The following CDHR1 variants were observed in gnomAD, a reference collection of about 807,000 sequenced individuals.
The protein encoded by CDHR1 is cadherin related family member 1, also known as cadherin-related family member 1.
CDHR1 carries 61 observed loss-of-function variants against 72.1 expected under a neutral mutation model. The observed-to-expected ratio is 0.85, with a 90% CI of 0.69 to 1.05. The LOEUF (loss-of-function observed/expected upper bound fraction) is 1.05. Ranked by LOEUF, CDHR1 falls within the 50% of genes least tolerant of loss-of-function variation. The pLI is 0.00. For missense variants in CDHR1, 1,186 were observed against 1,115.7 expected, an observed-to-expected ratio of 1.06 and a Z score of -0.90; for synonymous variants, 470 against 448.1, an observed-to-expected ratio of 1.05 and a Z score of -0.62.
chr10:84,199,160 C>T (rs373355222), intron 5 of CDHR1, 39 bp downstream of exon 5: 742 of 1,514,422 alleles, frequency 4.9e-4, no homozygotes, highest in Non-Finnish European at 6.3e-4. Flanking sequence ...TTTTCCCACC[C>T]AGGCCCATAG....
Position 84,208,322 on chromosome 10 carries a change from C to A in CDHR1, c.1112C>A (p.Pro371Gln). ...TTTGAGCTGTCCATGAATGAGCACC[C>A]ACCCCAGGGAGAGATCCTGCGGGGC... ...NRFELSMNEH[P>Q]PQGEILRGLK... Residue 371 changes from proline to glutamine, a missense_variant, in exon 11 of 17, where the codon CCA becomes CAA. Physicochemically the swap from Pro to Gln is moderately conservative, Grantham distance 76. Coordinates refer to ENST00000623527, the MANE Select transcript of CDHR1 (RefSeq NM_033100.4). 6.2e-7 allele frequency: 1 copy of A among 1,614,152 alleles called. No homozygotes were observed. Among genetic ancestry groups the A allele is most frequent in the South Asian group, 1.1e-5 (1 of 91,074 alleles).
At position 84,203,155 on chromosome 10, in the gene CDHR1, C is replaced by T. The variant is rs1201535139; in HGVS notation, c.783+32C>T. On this transcript the variant is annotated intron_variant, in intron 8 of 16. Coordinates refer to ENST00000623527, the MANE Select transcript of CDHR1 (RefSeq NM_033100.4). ...GGCTGTCCCCCTCAGCCAGCGATCC[C>T]TCCAAATGCCTCCTGCCCTGACCCT... The T allele has an allele frequency of 3.1e-6, 5 of 1,613,532 alleles. No homozygotes were observed. In the Admixed American group the frequency reaches 8.3e-5, roughly 27 times the overall value.
rs757579078 is a variant in CDHR1 at position 84,200,653 on chromosome 10, C to G, written c.491C>G (p.Thr164Arg). ...IFKVHAVDRD[T>R]GSGGSVTYFL... is the part of the protein sequence containing the mutation. The stretch of plus-strand genomic sequence containing the variant: ...AAGGTCCATGCAGTGGACAGGGACA[C>G]AGGCTCTGGAGGGAGTGTCACCTAC... The change falls in exon 6 of 17, where the codon ACA becomes AGA. Residue 164 changes from threonine to arginine, a missense_variant. Physicochemically the swap from Thr to Arg is moderately conservative, Grantham distance 71 (BLOSUM62 -1). Coordinates refer to ENST00000623527, the MANE Select transcript of CDHR1 (RefSeq NM_033100.4). 4.3e-6 allele frequency: 7 copies of G among 1,612,440 alleles called. No individual in the cohort carries two copies. In the African/African-American group the frequency reaches 9.3e-5, roughly 22 times the overall value.
At chr10:84,204,881 C>T (rs117206971) in intron 9 of CDHR1, among the ~76,000 whole-genome samples, 4,454 of 152,302 alleles carry the variant, frequency 0.029, 88 homozygotes, top group Non-Finnish European at 0.045. Context: ...GGTATTTGCT[C>T]CTTGATGGGA....
chr10:84,210,609 T>C (rs1192733513), intron 12 of CDHR1, among the ~76,000 whole-genome samples: 1 of 152,166 alleles, frequency 6.6e-6, no homozygotes, highest in East Asian at 1.9e-4. Flanking sequence ...AAGAATTTAA[T>C]GCCCCCAATT....
chr10:84,216,762 G>A lies in CDHR1; in HGVS notation c.*2141G>A, dbSNP rs1842431963. The A allele has an allele frequency of 4.1e-6, 4 of 985,382 alleles. No individual in the cohort carries two copies. Among genetic ancestry groups the A allele is most frequent in the Non-Finnish European group, 4.8e-6 (4 of 829,966 alleles). The allele number at this position is 985,382 out of a possible 1,614,324, so 61.0% of individuals were successfully genotyped here. A position where few individuals can be genotyped will look rare whatever the true frequency, so the allele number is the denominator to read the frequency against. On this transcript the variant is annotated 3_prime_UTR_variant, in exon 17 of 17. Transcript: ENST00000623527. Reference sequence around the variant, plus strand: ...TCTACTGGACTTTTCTCCCAAACAGGACAAGCCCAGGCAGGGCTGCATGGA... The same window carrying A: ...TCTACTGGACTTTTCTCCCAAACAGAACAAGCCCAGGCAGGGCTGCATGGA...
intron 8 of CDHR1, among the ~76,000 whole-genome samples, chr10:84,203,446 C>T (rs980736151): frequency 3.3e-5 from 5 of 152,016 alleles, no homozygotes; most frequent in South Asian, 4.2e-4. Flanking sequence ...AACGGAGTCT[C>T]GCTTTGTCGC....
rs1035211155 is a variant in CDHR1, at chr10:84,212,102, C to T, written c.1554-77C>T. ...CTCACTCCTGCTTCAGGAGGCAGCT[C>T]ATTATTGCAGGCATGTGTATGTATG... On this transcript the variant is annotated intron_variant, in intron 14 of 16. Transcript: ENST00000623527. 3.9e-6 allele frequency: 5 copies of T among 1,279,296 alleles called. No individual in the cohort carries two copies. The African/African-American group carries it at 5.9e-5, about 15-fold the overall frequency. 79.2% of individuals were successfully genotyped at this position (1,279,296 alleles called of 1,614,324 possible).
intron 10 of CDHR1, 80 bp from the exon 11 acceptor site, chr10:84,208,094 C>T: frequency 8.0e-7 from 1 of 1,256,232 alleles, no homozygotes; most frequent in South Asian, 1.2e-5. Context: ...GGGGATTATA[C>T]ATTCTGCAGG....
intron 11 of CDHR1, 125 bp from the exon 12 acceptor site, chr10:84,208,604 T>C: frequency 8.9e-7 from 1 of 1,127,094 alleles, no homozygotes; most frequent in Non-Finnish European, 1.3e-6. Context: ...CAAGGAAAAG[T>C]CAGATGCAGA....
intron 9 of CDHR1, among the ~76,000 whole-genome samples, chr10:84,205,148 C>A (rs1284294125): frequency 6.6e-6 from 1 of 152,184 alleles, no homozygotes; most frequent in Admixed American, 6.5e-5. Flanking sequence ...AGCTGGGCAG[C>A]AACTGAGCCA....
chr10:84,211,161 TCA>T lies in CDHR1; in HGVS notation c.1484_1485del (p.Thr495SerfsTer40). Reference sequence around the variant, plus strand: ...CCAGGGGGCTCCAGCGTGGTGGCTGTCACAGTGGGTTGGGCACTGGCCCAGGG... The same window carrying T: ...CCAGGGGGCTCCAGCGTGGTGGCTGTCAGTGGGTTGGGCACTGGCCCAGGG... On this transcript the variant is annotated frameshift_variant and splice_region_variant, in exon 13 of 17. Transcript: ENST00000623527. LOFTEE classifies it high-confidence loss of function. 6.2e-7 allele frequency: 1 copy of T among 1,614,222 alleles called. No homozygotes were observed. The highest frequency in any genetic ancestry group is 1.3e-5 in the African/African-American group (1 of 75,072).
At chr10:84,208,425 C>T (rs1222576413) in intron 11 of CDHR1, 48 bp downstream of exon 11, 13 of 1,590,066 alleles carry the variant, frequency 8.2e-6, no homozygotes, top group Non-Finnish European at 1.1e-5. Flanking sequence ...CGGTATGAAG[C>T]CAAGGTCCCA....
intron 12 of CDHR1, among the ~76,000 whole-genome samples, chr10:84,210,260 G>T (rs1359532921): frequency 2.0e-5 from 3 of 149,926 alleles, no homozygotes; most frequent in East Asian, 2.0e-4. Flanking sequence ...TTTGTTTTTT[G>T]GTTTTGTTCA....
At position 84,199,069 on chromosome 10, in the gene CDHR1, A is replaced by G. The variant is rs1424495418; in HGVS notation, c.386A>G (p.Asn129Ser). The G allele has an allele frequency of 8.4e-6, 13 of 1,551,498 alleles. No individual in the cohort carries two copies. In the East Asian group the frequency reaches 2.4e-4, roughly 29 times the overall value. Residue 129 changes from asparagine (N) to serine (S), a missense_variant, in exon 5 of 17, where the codon AAT becomes AGT. Transcript: ENST00000623527. ...EKVVILVTDANDEAPRFIQEP... is the reference protein window; with the variant it reads ...EKVVILVTDASDEAPRFIQEP... ...GTCGTGATCCTGGTGACCGATGCCA[A>G]TGATGAGGCGCCCAGGTTCATCCAG...
chr10:84,208,068 G>C, intron 10 of CDHR1, 106 bp from the exon 11 acceptor site: 1 of 1,008,964 alleles, frequency 9.9e-7, no homozygotes, highest in Non-Finnish European at 1.6e-6. Context: ...GCTAAGCCAG[G>C]ACACACTCAA....
intron 5 of CDHR1, 52 bp downstream of exon 5, chr10:84,199,173 T>A: frequency 6.9e-7 from 1 of 1,458,648 alleles, no homozygotes. Flanking sequence ...GCCCATAGCC[T>A]ACCCCTGGGG....
Position 84,196,740 on chromosome 10 carries a change from C to T in CDHR1, c.297+90C>T. On this transcript the variant is annotated intron_variant, in intron 3 of 16. Coordinates refer to ENST00000623527, the MANE Select transcript of CDHR1 (RefSeq NM_033100.4). ...TTCCCCTGGAGCACATTGGTTAGAA[C>T]CTCTCCACAGAGTAGGGGATGAGGG... is the stretch of plus-strand genomic sequence containing the variant. 5 of 1,463,494 alleles carry T rather than the reference C, an allele frequency of 3.4e-6. No individual in the cohort carries two copies. The South Asian group carries it at 5.7e-5, about 17-fold the overall frequency. 90.7% of individuals were successfully genotyped at this position (1,463,494 alleles called of 1,614,324 possible). A position where few individuals can be genotyped will look rare whatever the true frequency, so the allele number is the denominator to read the frequency against.
At chr10:84,205,604 G>C in intron 9 of CDHR1, 1 of 608,556 alleles carries the variant, frequency 1.6e-6, no homozygotes, top group Non-Finnish European at 2.9e-6. Context: ...TGGAATGTGG[G>C]AGCTGGACAG....
Sources: allele counts gnomAD v4.1 joint callset (sites outside exome capture counted in the v4.1 genomes callset), GRCh38; gene constraint gnomAD v4.1.1; transcripts MANE v1.5; gene names NCBI Gene and HGNC (gene_info 2026-07-23, HGNC 2026-07-21).